DPP6: variants seen among roughly 807,000 people sequenced by gnomAD.
DPP6 encodes the protein dipeptidyl peptidase like 6.
Under a neutral mutation model 122.6 loss-of-function variants are expected in DPP6, and 69 were observed. The observed-to-expected ratio is 0.56, with a 90% confidence interval of 0.46 to 0.69. The LOEUF (loss-of-function observed/expected upper bound fraction) is 0.69, where lower values mean the gene tolerates loss of function less well. Ranked by LOEUF, DPP6 falls within the 30% of genes least tolerant of loss-of-function variation. The probability of loss-of-function intolerance (pLI) is 0.00; values close to 1 mark genes in which losing one functional copy is unlikely to be tolerated. For missense variants in DPP6, 928 were observed against 1,116.9 expected, an observed-to-expected ratio of 0.83 and a Z score of 2.41; for synonymous variants, 418 against 433.1, an observed-to-expected ratio of 0.97 and a Z score of 0.43.
chr7:154,077,676 A>ATT (rs531140291), intron 1 of DPP6, among the ~76,000 whole-genome samples: 69 of 144,146 alleles, frequency 4.8e-4, no homozygotes, highest in South Asian at 2.2e-3. Flanking sequence ...TATTATTATT[A>ATT]TTTTTTTTTT....
chr7:154,076,218 G>A (rs1304365721), intron 1 of DPP6, among the ~76,000 whole-genome samples: 1 of 152,212 alleles, frequency 6.6e-6, no homozygotes, highest in Non-Finnish European at 1.5e-5. Flanking sequence ...GGGAGGCCAA[G>A]GCAGGTGGAT....
chr7:154,244,978 T>TCTTG (rs1305671915), intron 1 of DPP6, among the ~76,000 whole-genome samples: 1 of 142,454 alleles, frequency 7.0e-6, no homozygotes, highest in Non-Finnish European at 1.5e-5. Flanking sequence ...TGAGTTAGGG[T>TCTTG]CTTGCTCTAT....
At chr7:154,876,180 G>A (rs1563312579) in intron 20 of DPP6, 80 bp downstream of exon 20, 9 of 1,428,976 alleles carry the variant, frequency 6.3e-6, no homozygotes, top group African/African-American at 1.4e-5. Flanking sequence ...TCACAGTGCG[G>A]GAATGCTTTT....
chr7:153,951,163 G>A (rs1334275273), intron 1 of DPP6, among the ~76,000 whole-genome samples: 2 of 152,206 alleles, frequency 1.3e-5, no homozygotes, highest in African/African-American at 2.4e-5. Flanking sequence ...TGGCCCTGGC[G>A]AGAGCTACTC....
At chr7:153,770,367 A>C in the DPP6 span, among the ~76,000 whole-genome samples, 3 of 152,214 alleles carry the variant, frequency 2.0e-5, no homozygotes, top group Non-Finnish European at 4.4e-5. Context: ...CCCTGGCTGA[A>C]GCCGAGGACA....
chr7:153,763,551 A>T, the DPP6 span, among the ~76,000 whole-genome samples: 1 of 152,170 alleles, frequency 6.6e-6, no homozygotes, highest in Non-Finnish European at 1.5e-5. Context: ...GGAACAAGGA[A>T]AAAAAGATGT....
In DPP6 at chr7:154,892,846, G is replaced by C. The variant is rs774938512; in HGVS notation, c.*366G>C. ...GATTCCAGCCACCAAGCGGAAGCAT[G>C]AGACCCGCCCACACTAGCCTCTGTG... On this transcript the variant is annotated 3_prime_UTR_variant, in exon 26 of 26. Transcript: ENST00000377770. 6 of 543,718 alleles carry C rather than the reference G, an allele frequency of 1.1e-5. No homozygotes were observed. The Admixed American group carries it at 1.1e-4, about 10-fold the overall frequency. The allele number at this position is 543,718 out of a possible 1,614,324, so 33.7% of individuals were successfully genotyped here.
At chr7:154,300,927 G>T (rs1805858996) in intron 1 of DPP6, among the ~76,000 whole-genome samples, 1 of 152,146 alleles carries the variant, frequency 6.6e-6, no homozygotes, top group African/African-American at 2.4e-5. Context: ...TTAAAATGAG[G>T]TCCTATGGGT....
chr7:153,827,738 A>G, the DPP6 span, among the ~76,000 whole-genome samples: 5 of 152,194 alleles, frequency 3.3e-5, no homozygotes, highest in East Asian at 1.9e-4. Flanking sequence ...CCAGGCTGCA[A>G]TGTGGCCCCA....
At chr7:154,248,738 C>T (rs1802151790) in intron 1 of DPP6, among the ~76,000 whole-genome samples, 1 of 152,038 alleles carries the variant, frequency 6.6e-6, no homozygotes, top group South Asian at 2.1e-4. Context: ...TGGTGGTGTG[C>T]ACCTGTAATT....
chr7:154,126,993 G>A (rs1807940151), intron 1 of DPP6, among the ~76,000 whole-genome samples: 1 of 152,078 alleles, frequency 6.6e-6, no homozygotes, highest in Non-Finnish European at 1.5e-5. Context: ...CAGCTCCTTG[G>A]GGGATTTCAA....
intron 1 of DPP6, among the ~76,000 whole-genome samples, chr7:154,006,103 A>T (rs1430880648): frequency 6.6e-6 from 1 of 152,178 alleles, no homozygotes; most frequent in Non-Finnish European, 1.5e-5. Context: ...CTGATAGGTT[A>T]GTGCCAAGGG....
chr7:154,063,288 G>T (rs370054426), intron 1 of DPP6, among the ~76,000 whole-genome samples: 2 of 121,050 alleles, frequency 1.7e-5, no homozygotes, highest in Non-Finnish European at 3.5e-5. Context: ...GAGGGGGGAG[G>T]GACCCCCCAT....
At chr7:154,108,781 G>C (rs111946601) in intron 1 of DPP6, among the ~76,000 whole-genome samples, 8 of 152,206 alleles carry the variant, frequency 5.3e-5, no homozygotes, top group Non-Finnish European at 1.0e-4. Context: ...GGGGCGGACA[G>C]GTTCTAAGTT....
chr7:153,818,791 G>A, the DPP6 span, among the ~76,000 whole-genome samples: 37,347 of 151,600 alleles, frequency 0.25, 5,751 homozygotes, highest in Admixed American at 0.41. Flanking sequence ...TTGCTCTGTC[G>A]CCCAGGCTGG....
At chr7:154,527,334 C>A (rs775851960) in intron 3 of DPP6, among the ~76,000 whole-genome samples, 2 of 152,150 alleles carry the variant, frequency 1.3e-5, no homozygotes, top group Non-Finnish European at 2.9e-5. Flanking sequence ...TATTGCCTAT[C>A]ACAGACATGG....
intron 1 of DPP6, among the ~76,000 whole-genome samples, chr7:154,061,339 CT>C (rs1444013834): frequency 6.0e-4 from 89 of 147,790 alleles, no homozygotes; most frequent in African/African-American, 2.1e-3. Context: ...CTGACAAAGC[CT>C]TTTCCATTGT....
chr7:154,301,797 TTTTTTTTTTTTTTTTTG>T (rs1805920950), intron 1 of DPP6, among the ~76,000 whole-genome samples: 1 of 91,520 alleles, frequency 1.1e-5, no homozygotes, highest in African/African-American at 7.3e-5. Flanking sequence ...TTTTTTTTTT[TTTTTTTTTTTTTTTTTG>T]TTGGAGACAG....
intron 1 of DPP6, among the ~76,000 whole-genome samples, chr7:153,928,357 G>A (rs948563671): frequency 9.5e-5 from 13 of 137,266 alleles, no homozygotes; most frequent in African/African-American, 2.4e-4. Context: ...GATTACAGGC[G>A]TGCACCACCA....
Sources: allele counts gnomAD v4.1 joint callset (sites outside exome capture counted in the v4.1 genomes callset), GRCh38; gene constraint gnomAD v4.1.1; transcripts MANE v1.5; gene names NCBI Gene and HGNC (gene_info 2026-07-23, HGNC 2026-07-21).